KANK2: variants seen among roughly 807,000 people sequenced by gnomAD.
KANK2 encodes KN motif and ankyrin repeat domain-containing protein 2.
In KANK2, 41 loss-of-function variants were observed where a neutral mutation model predicts 74.6. That is an observed-to-expected ratio of 0.55 (90% CI 0.43 to 0.71). The LOEUF (loss-of-function observed/expected upper bound fraction) is 0.71. Ranked by LOEUF, KANK2 falls within the 30% of genes least tolerant of loss-of-function variation. The pLI is 0.00. For synonymous variants in KANK2, 537 were observed against 519.0 expected (o/e 1.03, Z -0.47); for missense variants, 1,148 against 1,196.4 (o/e 0.96, Z 0.60).
At chr19:11,192,431 CTTTTTTT>C (rs34285924) in intron 4 of KANK2, 11 of 159,916 alleles carry the variant, frequency 6.9e-5, no homozygotes, top group South Asian at 1.6e-4. Flanking sequence ...CCTTGGCATT[CTTTTTTT>C]TTTTTTTTTT....
intron 8 of KANK2, 57 bp from the exon 9 acceptor site, chr19:11,174,749 C>A: frequency 7.1e-7 from 1 of 1,406,698 alleles, no homozygotes; most frequent in Non-Finnish European, 9.8e-7. Context: ...ACTGGGACAC[C>A]CCCCACCCCA....
rs199627820 is a variant in KANK2, at chr19:11,170,266, C to G, written c.2212-18G>C. 169 of 1,606,822 alleles carry G rather than the reference C, an allele frequency of 1.1e-4. No homozygotes were observed. Among genetic ancestry groups the G allele is most frequent in the Non-Finnish European group, 1.4e-4 (164 of 1,179,258 alleles). On this transcript the variant is annotated intron_variant, in intron 10 of 12. Coordinates refer to ENST00000586659, the MANE Select transcript of KANK2 (RefSeq NM_001136191.3). The surrounding 1 kb of genome is among the most constrained non-coding windows in gnomAD (Gnocchi z 5.2). ...TGTCCTGCCTGGGGAGGGCAAGGAACAGGATTATGGTTCATGCAGGCCCCA... is the reference window on the plus strand; with the variant it reads ...TGTCCTGCCTGGGGAGGGCAAGGAAGAGGATTATGGTTCATGCAGGCCCCA...
In KANK2 at chr19:11,176,899, C is replaced by T. The variant is rs2078358403; in HGVS notation, c.1521-82G>A. On this transcript the variant is annotated intron_variant, in intron 6 of 12. Transcript: ENST00000586659. ...GAAAGGAAGGCAGGGATCTGGTGATCTGACCTCTGTGGGCCTCAGCTTCCC... is the reference window on the plus strand; with the variant it reads ...GAAAGGAAGGCAGGGATCTGGTGATTTGACCTCTGTGGGCCTCAGCTTCCC... 1.2e-5 allele frequency: 17 copies of T among 1,453,428 alleles called. 1 individual carries two copies. In the South Asian group the frequency reaches 2.5e-4, roughly 21 times the overall value. The allele number at this position is 1,453,428 out of a possible 1,614,324, so 90.0% of individuals were successfully genotyped here.
chr19:11,197,572 G>T (rs927564933), upstream of KANK2: 1 of 151,584 alleles, frequency 6.6e-6, no homozygotes, highest in Admixed American at 6.6e-5. Flanking sequence ...GCCCTCGGAG[G>T]TGGCTCCGCC....
In KANK2 at chr19:11,166,618, C is replaced by CA; in HGVS notation, c.2503-8dup. 6.2e-7 allele frequency: 1 copy of CA among 1,614,060 alleles called. No homozygotes were observed. Among genetic ancestry groups the CA allele is most frequent in the Non-Finnish European group, 8.5e-7 (1 of 1,179,900 alleles). On this transcript the variant is annotated splice_region_variant and splice_polypyrimidine_tract_variant and intron_variant, in intron 12 of 12. Transcript: ENST00000586659. ...CATCTGACATTGGGGCAAACTGAAA[C>CA]AGAGAAGCAGAATTCTTTTTGTTTG...
At chr19:11,183,144 T>C (rs913160223) in intron 4 of KANK2, among the ~76,000 whole-genome samples, 1 of 152,152 alleles carries the variant, frequency 6.6e-6, no homozygotes, top group African/African-American at 2.4e-5. Flanking sequence ...GATGGAGTAG[T>C]TGGTCTGTGA....
At chr19:11,178,841 A>C in intron 4 of KANK2, 121 bp from the exon 5 acceptor site, 1 of 839,530 alleles carries the variant, frequency 1.2e-6, no homozygotes, top group Non-Finnish European at 1.7e-6. Flanking sequence ...TACCACATCC[A>C]GTCTTCCTGC....
At position 11,193,213 on chromosome 19, in the gene KANK2, G is replaced by A. The variant is rs139003771; in HGVS notation, c.867C>T (p.Val289=). The change falls in exon 4 of 13, where the codon GTC becomes GTT. Residue 289 remains valine, a synonymous_variant. Transcript: ENST00000586659. This position sits in a 1 kb window ranked among gnomAD's most constrained non-coding sequence, Gnocchi z 9.6. ...PDGEAALAAK[V]AVLETQLKKA... ...TCTTGAGCTGGGTCTCCAGCACAGC[G>A]ACCTTGGCGGCGAGGGCAGCCTCCC... is the stretch of plus-strand genomic sequence containing the variant. 3.7e-4 allele frequency: 595 copies of A among 1,609,604 alleles called. 3 individuals are homozygous for A. The African/African-American group carries it at 6.7e-3, about 18-fold the overall frequency.
At position 11,193,103 on chromosome 19, in the gene KANK2, C is replaced by G; in HGVS notation, c.977G>C (p.Arg326Pro). ...TTCTACCACCCGGACTGTATCCACG[C>G]GGACCGGGCTGTCCGGCGGTGGCCA... is the stretch of plus-strand genomic sequence containing the variant. Reference protein sequence around the residue: ...QAWPPPDSPVRVDTVRVVEGP... With the variant: ...QAWPPPDSPVPVDTVRVVEGP... Residue 326 changes from arginine to proline, a missense_variant, in exon 4 of 13, where the codon CGC (arginine) becomes CCC (proline). Transcript: ENST00000586659. The surrounding 1 kb of genome is among the most constrained non-coding windows in gnomAD (Gnocchi z 9.6). The G allele has an allele frequency of 6.2e-7, 1 of 1,606,122 alleles. No individual in the cohort carries two copies. The highest frequency in any genetic ancestry group is 8.5e-7 in the Non-Finnish European group (1 of 1,175,942).
chr19:11,178,632 T>C lies in KANK2; in HGVS notation c.1338A>G (p.Arg446=). Residue 446 remains arginine (R), a synonymous_variant, in exon 5 of 13, where the codon CGA becomes CGG. Coordinates refer to ENST00000586659, the MANE Select transcript of KANK2 (RefSeq NM_001136191.3). Reference sequence around the variant, plus strand: ...TGTGGGTGGGCTCCTGGGTGGGCACTCGGCCTGTGCTCTTCTCAGGCTGTG... The same window carrying C: ...TGTGGGTGGGCTCCTGGGTGGGCACCCGGCCTGTGCTCTTCTCAGGCTGTG... ...SLTQPEKSTG[R]VPTQEPTHRE... The C allele has an allele frequency of 6.3e-7, 1 of 1,594,540 alleles. No individual in the cohort carries two copies.
chr19:11,193,785 C>A lies in KANK2; in HGVS notation c.295G>T (p.Ala99Ser). ...AAGCCACGGCCGCAGTAGGAATAGG[C>A]TGAGTGGCGGCTGTCCCCACTGGCA... ...SNASGDSRHSAYSYCGRGFYP... is the reference protein window; with the variant it reads ...SNASGDSRHSSYSYCGRGFYP... The change falls in exon 4 of 13, where the codon GCC becomes TCC. Residue 99 changes from alanine to serine, a missense_variant. Ala to Ser is a moderately conservative substitution (Grantham distance 99). Coordinates refer to ENST00000586659, the MANE Select transcript of KANK2 (RefSeq NM_001136191.3). The surrounding 1 kb of genome is among the most constrained non-coding windows in gnomAD (Gnocchi z 9.6). 1.2e-6 allele frequency: 2 copies of A among 1,612,836 alleles called. No individual in the cohort carries two copies. Among genetic ancestry groups the A allele is most frequent in the Non-Finnish European group, 1.7e-6 (2 of 1,179,728 alleles).
At chr19:11,187,934 G>A (rs1337304790) in intron 4 of KANK2, among the ~76,000 whole-genome samples, 1 of 152,042 alleles carries the variant, frequency 6.6e-6, no homozygotes, top group Non-Finnish European at 1.5e-5. Flanking sequence ...AACATAGTGA[G>A]ACCTCATCTC....
intron 12 of KANK2, among the ~76,000 whole-genome samples, chr19:11,169,329 C>CT (rs1276731418): frequency 6.6e-6 from 1 of 151,940 alleles, no homozygotes; most frequent in East Asian, 1.9e-4. Flanking sequence ...TAGAACAAGA[C>CT]TTTGTCTCAA....
Position 11,178,623 on chromosome 19 carries a change from G to A in KANK2, c.1347C>T (p.Thr449=), listed in dbSNP as rs1437731787. The A allele has an allele frequency of 1.9e-6, 3 of 1,598,812 alleles. No homozygotes were observed. Among genetic ancestry groups the A allele is most frequent in the East Asian group, 2.3e-5 (1 of 43,560 alleles). The change falls in exon 5 of 13, where the codon ACC becomes ACT. Residue 449 remains threonine (T), a synonymous_variant. Transcript: ENST00000586659. ...QPEKSTGRVP[T]QEPTHREPTR... Reference sequence around the variant, plus strand: ...TGGGCTCCCTGTGGGTGGGCTCCTGGGTGGGCACTCGGCCTGTGCTCTTCT... The same window carrying A: ...TGGGCTCCCTGTGGGTGGGCTCCTGAGTGGGCACTCGGCCTGTGCTCTTCT...
In KANK2 at chr19:11,170,468, G is replaced by A. The variant is rs1051547495; in HGVS notation, c.2212-220C>T. 84 of 585,632 alleles carry A rather than the reference G, an allele frequency of 1.4e-4. No homozygotes were observed. Among genetic ancestry groups the A allele is most frequent in the Non-Finnish European group, 2.1e-4 (69 of 327,510 alleles). The allele number at this position is 585,632 out of a possible 1,614,324, so 36.3% of individuals were successfully genotyped here. A position where few individuals can be genotyped will look rare whatever the true frequency, so the allele number is the denominator to read the frequency against. ...GTGGTTGCCAGAGGCTGGGAGAAGCGGGGGCGGAGGAAATGATGGATACAG... is the reference window on the plus strand; with the variant it reads ...GTGGTTGCCAGAGGCTGGGAGAAGCAGGGGCGGAGGAAATGATGGATACAG... On this transcript the variant is annotated intron_variant, in intron 10 of 12. Coordinates refer to ENST00000586659, the MANE Select transcript of KANK2 (RefSeq NM_001136191.3). The surrounding 1 kb of genome is among the most constrained non-coding windows in gnomAD (Gnocchi z 5.2).
chr19:11,179,269 T>C (rs1272614074), intron 4 of KANK2, among the ~76,000 whole-genome samples: 1 of 145,500 alleles, frequency 6.9e-6, no homozygotes, highest in African/African-American at 2.6e-5. Context: ...TGAGCAGAGA[T>C]CACGCCAATG....
intron 4 of KANK2, among the ~76,000 whole-genome samples, chr19:11,186,705 A>G (rs1862004557): frequency 6.6e-6 from 1 of 152,168 alleles, no homozygotes; most frequent in Non-Finnish European, 1.5e-5. Context: ...GTCTCAAAAA[A>G]AAAGAAGAAA....
intron 12 of KANK2, among the ~76,000 whole-genome samples, 173 bp from the exon 13 acceptor site, chr19:11,166,784 G>A (rs943092422): frequency 1.3e-5 from 2 of 152,322 alleles, no homozygotes; most frequent in East Asian, 3.9e-4. Context: ...ACTCATGACT[G>A]TGGTTGAGGA....
At chr19:11,184,075 T>C (rs902945486) in intron 4 of KANK2, among the ~76,000 whole-genome samples, 2 of 152,150 alleles carry the variant, frequency 1.3e-5, no homozygotes, top group South Asian at 2.1e-4. Flanking sequence ...GTTTTACCTA[T>C]ATTCAAAATG....
Sources: allele counts gnomAD v4.1 joint callset (sites outside exome capture counted in the v4.1 genomes callset), GRCh38; gene constraint gnomAD v4.1.1; non-coding constraint Gnocchi (gnomAD v3.1); transcripts MANE v1.5; gene names NCBI Gene and HGNC (gene_info 2026-07-23, HGNC 2026-07-21).